The following RECK variants were observed in gnomAD, a reference collection of about 807,000 sequenced individuals.
The protein encoded by RECK is reversion inducing cysteine rich protein with kazal motifs.
Under a neutral mutation model 115.1 loss-of-function variants are expected in RECK, and 69 were observed. The observed-to-expected ratio is 0.60, with a 90% CI of 0.49 to 0.73. The LOEUF is 0.73. Among genes scored for constraint, RECK ranks in the 30% least tolerant of loss-of-function variants. The pLI is 0.00. For synonymous variants in RECK, 414 were observed against 419.7 expected, an observed-to-expected ratio of 0.99 and a Z score of 0.17; for missense variants, 1,047 against 1,203.7, an observed-to-expected ratio of 0.87 and a Z score of 1.93.
chr9:36,058,088 AG>A (rs1477035733), intron 2 of RECK, among the ~76,000 whole-genome samples: 4 of 150,484 alleles, frequency 2.7e-5, no homozygotes, highest in Non-Finnish European at 4.4e-5. Flanking sequence ...TGTGGAAGTC[AG>A]TGTGGCGATT....
At chr9:36,074,841 A>G (rs1464205617) in intron 6 of RECK, among the ~76,000 whole-genome samples, 3 of 152,228 alleles carry the variant, frequency 2.0e-5, no homozygotes, top group African/African-American at 7.2e-5. Flanking sequence ...CCAAAACTCC[A>G]TAGCTTAAAA....
intron 1 of RECK, among the ~76,000 whole-genome samples, chr9:36,044,069 T>C (rs1290545029): frequency 6.6e-6 from 1 of 152,216 alleles, no homozygotes; most frequent in Non-Finnish European, 1.5e-5. Flanking sequence ...AGTATGGTCA[T>C]TTTGACAATA....
chr9:36,050,498 T>C (rs1219281315), intron 1 of RECK, among the ~76,000 whole-genome samples: 1 of 152,212 alleles, frequency 6.6e-6, no homozygotes, highest in East Asian at 1.9e-4. Flanking sequence ...CAGTCTCTTA[T>C]CAAGACTACT....
At chr9:36,081,750 C>G (rs1391432774) in intron 7 of RECK, among the ~76,000 whole-genome samples, 1 of 151,144 alleles carries the variant, frequency 6.6e-6, no homozygotes, top group Non-Finnish European at 1.5e-5. Flanking sequence ...AGGAGAATCG[C>G]TTGAACCCAG....
chr9:36,071,609 A>G (rs1415995778), intron 6 of RECK, among the ~76,000 whole-genome samples: 5 of 152,112 alleles, frequency 3.3e-5, no homozygotes, highest in Admixed American at 3.3e-4. Flanking sequence ...TGTCATTTTC[A>G]TGTCTCTCCT....
chr9:36,052,233 A>T, intron 1 of RECK, 32 bp from the exon 2 acceptor site: 1 of 1,407,152 alleles, frequency 7.1e-7, no homozygotes, highest in Non-Finnish European at 1.0e-6. Flanking sequence ...TTAACAGTGG[A>T]ACAACATTTG....
intron 8 of RECK, among the ~76,000 whole-genome samples, chr9:36,086,433 C>T (rs1245223556): frequency 1.3e-5 from 2 of 152,106 alleles, no homozygotes; most frequent in African/African-American, 4.8e-5. Context: ...GTCTCGCTGA[C>T]TTCAGGAGTG....
rs748711824 is a variant in RECK at position 36,108,170 on chromosome 9, T to A, written c.1765+6T>A. 1 of 1,570,410 alleles carries A rather than the reference T, an allele frequency of 6.4e-7. No individual in the cohort carries two copies. Among genetic ancestry groups the A allele is most frequent in the Non-Finnish European group, 8.6e-7 (1 of 1,162,448 alleles). On this transcript the variant is annotated splice_donor_region_variant and intron_variant, in intron 14 of 20. Coordinates refer to ENST00000377966, the MANE Select transcript of RECK (RefSeq NM_021111.3). Reference sequence around the variant, plus strand: ...TGTTGGAGGAAAAAGAAAAAGTGAGTCTTAAGCTCTGATTTTGTTTTTAAT... The same window carrying A: ...TGTTGGAGGAAAAAGAAAAAGTGAGACTTAAGCTCTGATTTTGTTTTTAAT...
intron 1 of RECK, among the ~76,000 whole-genome samples, chr9:36,038,437 C>G (rs1820753173): frequency 6.6e-6 from 1 of 152,156 alleles, no homozygotes; most frequent in African/African-American, 2.4e-5. Flanking sequence ...CCATTTTTCT[C>G]CCTGTTAAAT....
Position 36,087,720 on chromosome 9 carries a change from G to A in RECK, c.664G>A (p.Asp222Asn). The A allele has an allele frequency of 1.9e-6, 3 of 1,613,956 alleles. No individual in the cohort carries two copies. ...DSLYCCDRAE[D>N]HACQNACKRI... ...TTTATATTGCTGTGACAGAGCTGAA[G>A]ACCATGCTTGCCAAAATGCCTGCAA... The change falls in exon 9 of 21, where the codon GAC becomes AAC. Residue 222 changes from aspartate to asparagine, a missense_variant. Transcript: ENST00000377966.
At chr9:36,090,081 A>G (rs1823105878) in intron 9 of RECK, among the ~76,000 whole-genome samples, 1 of 152,024 alleles carries the variant, frequency 6.6e-6, no homozygotes, top group African/African-American at 2.4e-5. Context: ...ACTTGAACCC[A>G]GGAGGCAGAG....
In RECK at chr9:36,057,085, A is replaced by G. The variant is rs1297288937; in HGVS notation, c.160-1742A>G. ...TGAAACACCAAATTGTAATTGCATA[A>G]CGTCCTATTTGGAAGTGAGCCATTT... On this transcript the variant is annotated intron_variant, in intron 2 of 20. Transcript: ENST00000377966. 3.3e-6 allele frequency: 3 copies of G among 917,540 alleles called. No individual in the cohort carries two copies. In the African/African-American group the frequency reaches 5.4e-5, roughly 16 times the overall value. The allele number at this position is 917,540 out of a possible 1,614,324, so 56.8% of individuals were successfully genotyped here. A position where few individuals can be genotyped will look rare whatever the true frequency, so the allele number is the denominator to read the frequency against.
chr9:36,118,269 G>A (rs1824337487), intron 17 of RECK, among the ~76,000 whole-genome samples: 1 of 152,104 alleles, frequency 6.6e-6, no homozygotes, highest in Non-Finnish European at 1.5e-5. Context: ...TCTCCTGGCT[G>A]TGATTTTTCT....
intron 5 of RECK, 57 bp from the exon 6 acceptor site, chr9:36,065,520 T>C: frequency 7.6e-7 from 1 of 1,323,916 alleles, no homozygotes; most frequent in East Asian, 2.5e-5. Flanking sequence ...ATGTTCTTTT[T>C]GCCCTGTGCT....
chr9:36,041,836 C>T (rs746671673), intron 1 of RECK, among the ~76,000 whole-genome samples: 2 of 149,284 alleles, frequency 1.3e-5, no homozygotes, highest in Admixed American at 6.7e-5. Context: ...CCAGCCTCAG[C>T]TCTTCTTGAC....
At chr9:36,092,126 G>A (rs1823181444) in intron 10 of RECK, among the ~76,000 whole-genome samples, 2 of 152,134 alleles carry the variant, frequency 1.3e-5, no homozygotes, top group African/African-American at 4.8e-5. Context: ...TGAGAAAATT[G>A]AGATATCTTT....
In RECK at chr9:36,118,847, G is replaced by A. The variant is rs138317907; in HGVS notation, c.2344G>A (p.Asp782Asn). 1.1e-4 allele frequency: 175 copies of A among 1,613,996 alleles called. 1 individual carries two copies. Among genetic ancestry groups the A allele is most frequent in the Admixed American group, 6.7e-5 (4 of 59,994 alleles). The change falls in exon 18 of 21, where the codon GAT (aspartate) becomes AAT (asparagine). Residue 782 changes from aspartate (D) to asparagine (N), a missense_variant. By Grantham distance (23) the Asp-to-Asn change is conservative. Coordinates refer to ENST00000377966, the MANE Select transcript of RECK (RefSeq NM_021111.3). Reference protein sequence around the residue: ...CAAYSDRVAVDYYGDCQAVGV... With the variant: ...CAAYSDRVAVNYYGDCQAVGV... Reference sequence around the variant, plus strand: ...TGCCTACTCGGATCGCGTGGCAGTCGATTACTATGGGGACTGCCAGGCCGT... The same window carrying A: ...TGCCTACTCGGATCGCGTGGCAGTCAATTACTATGGGGACTGCCAGGCCGT...
Position 36,036,995 on chromosome 9 carries a change from G to A in RECK, c.-4G>A. The A allele has an allele frequency of 7.0e-7, 1 of 1,425,184 alleles. No homozygotes were observed. The highest frequency in any genetic ancestry group is 1.4e-5 in the South Asian group (1 of 71,024). 88.3% of individuals were successfully genotyped at this position (1,425,184 alleles called of 1,614,324 possible). ...CCGCGGCTCTGGAGCCGCCCGGCCCGGACATGGCGACCGTCCGGGCCTCTC... is the reference window on the plus strand; with the variant it reads ...CCGCGGCTCTGGAGCCGCCCGGCCCAGACATGGCGACCGTCCGGGCCTCTC... On this transcript the variant is annotated 5_prime_UTR_variant, in exon 1 of 21. Coordinates refer to ENST00000377966, the MANE Select transcript of RECK (RefSeq NM_021111.3).
intron 6 of RECK, among the ~76,000 whole-genome samples, chr9:36,075,635 A>G (rs1160093698): frequency 1.3e-5 from 2 of 152,030 alleles, no homozygotes; most frequent in African/African-American, 4.8e-5. Flanking sequence ...GTTATATTTA[A>G]CCTCTCCTAC....
Sources: gnomAD v4.1 joint callset for allele counts (sites outside exome capture counted in the v4.1 genomes callset) on GRCh38, gnomAD v4.1.1 for gene constraint, MANE v1.5 for transcripts, NCBI Gene and HGNC (gene_info 2026-07-23, HGNC 2026-07-21) for gene names.